FMN2: variants seen among roughly 807,000 people sequenced by gnomAD.
The protein encoded by FMN2 is formin 2.
Under a neutral mutation model 142.3 loss-of-function variants are expected in FMN2, and 51 were observed. That is an observed-to-expected ratio of 0.36 (90% CI 0.29 to 0.45). The LOEUF (loss-of-function observed/expected upper bound fraction) is 0.45, where lower values mean the gene tolerates loss of function less well. Ranked by LOEUF, FMN2 falls within the 20% of genes least tolerant of loss-of-function variation. The pLI is 1.00. For synonymous variants in FMN2, 882 were observed against 869.8 expected, an observed-to-expected ratio of 1.01 and a Z score of -0.25; for missense variants, 1,936 against 2,122.8, an observed-to-expected ratio of 0.91 and a Z score of 1.73.
chr1:240,091,996 C>A lies in FMN2; in HGVS notation c.-114C>A. The A allele has an allele frequency of 1.4e-6, 2 of 1,379,846 alleles. No homozygotes were observed. The highest frequency in any genetic ancestry group is 1.9e-6 in the Non-Finnish European group (2 of 1,075,752). The allele number at this position is 1,379,846 out of a possible 1,614,324, so 85.5% of individuals were successfully genotyped here. A position where few individuals can be genotyped will look rare whatever the true frequency, so the allele number is the denominator to read the frequency against. The stretch of plus-strand genomic sequence containing the variant: ...CGTCGGCCTCCCCTCCCAGCGGCTC[C>A]CCCCGCCGCCGCCTGACTCTCCCGG... On this transcript the variant is annotated 5_prime_UTR_variant, in exon 1 of 18. Transcript: ENST00000319653.
At chr1:240,269,195 A>G (rs1389032230) in intron 7 of FMN2, among the ~76,000 whole-genome samples, 1 of 152,002 alleles carries the variant, frequency 6.6e-6, no homozygotes, top group African/African-American at 2.4e-5. Context: ...TAAGTCTTTA[A>G]TTCCTTTTGA....
intron 6 of FMN2, among the ~76,000 whole-genome samples, chr1:240,215,151 G>GT (rs1372489551): frequency 6.6e-5 from 10 of 152,236 alleles, no homozygotes; most frequent in African/African-American, 2.2e-4. Context: ...GGGTTGCATA[G>GT]TTTTTGGTTA....
chr1:240,123,073 A>C, intron 1 of FMN2, 106 bp from the exon 2 acceptor site: 1 of 1,258,652 alleles, frequency 7.9e-7, no homozygotes, highest in Non-Finnish European at 1.1e-6. Context: ...GTAGCCTTGG[A>C]AACGGTGTTG....
intron 1 of FMN2, among the ~76,000 whole-genome samples, chr1:240,116,626 C>T (rs60728123): frequency 0.11 from 16,590 of 152,118 alleles, 1,147 homozygotes; most frequent in African/African-American, 0.19. Context: ...TGTGGTGGCT[C>T]ACCCATGTAG....
At chr1:240,272,043 A>T in intron 7 of FMN2, among the ~76,000 whole-genome samples, 1 of 152,102 alleles carries the variant, frequency 6.6e-6, no homozygotes, top group Non-Finnish European at 1.5e-5. Context: ...GCATATGGTT[A>T]TTCTTTTCCC....
chr1:240,234,778 T>G (rs1330755524), intron 6 of FMN2, among the ~76,000 whole-genome samples: 3 of 152,232 alleles, frequency 2.0e-5, no homozygotes, highest in African/African-American at 2.4e-5. Flanking sequence ...TAAGGTTTAT[T>G]CTCTTCATGA....
At chr1:240,460,483 T>G (rs1388380216) in intron 16 of FMN2, among the ~76,000 whole-genome samples, 1 of 152,080 alleles carries the variant, frequency 6.6e-6, no homozygotes, top group Non-Finnish European at 1.5e-5. Flanking sequence ...TCCCAGCTCC[T>G]TGGGAGGCTA....
intron 7 of FMN2, among the ~76,000 whole-genome samples, chr1:240,271,963 G>T (rs1032957007): frequency 6.6e-6 from 1 of 152,066 alleles, no homozygotes; most frequent in Non-Finnish European, 1.5e-5. Context: ...TCCATAGTTG[G>T]ACTTTTTGAT....
intron 2 of FMN2, among the ~76,000 whole-genome samples, chr1:240,165,033 CCTT>C (rs1664423883): frequency 6.6e-6 from 1 of 152,092 alleles, no homozygotes; most frequent in Admixed American, 6.6e-5. Context: ...TTCTTTTTAT[CCTT>C]CTTTGAATGC....
intron 2 of FMN2, chr1:240,170,792 T>A: frequency 9.7e-7 from 1 of 1,034,734 alleles, no homozygotes; most frequent in Non-Finnish European, 1.5e-6. Flanking sequence ...TTGACAGTTA[T>A]CGTGGGCGGT....
intron 8 of FMN2, among the ~76,000 whole-genome samples, chr1:240,306,411 A>G (rs1670406283): frequency 6.6e-6 from 1 of 152,178 alleles, no homozygotes; most frequent in Admixed American, 6.5e-5. Flanking sequence ...GACATGTTTC[A>G]GCCCTTGTTC....
chr1:240,264,415 G>A (rs956936369), intron 7 of FMN2, among the ~76,000 whole-genome samples: 2 of 151,982 alleles, frequency 1.3e-5, no homozygotes, highest in African/African-American at 4.8e-5. Context: ...AAGTTCTAGG[G>A]TACATGTGCA....
intron 4 of FMN2, among the ~76,000 whole-genome samples, chr1:240,205,876 G>A (rs1050076456): frequency 6.9e-6 from 1 of 145,028 alleles, no homozygotes; most frequent in African/African-American, 2.7e-5. Context: ...ATGTTGGCCA[G>A]TTGTTATCAG....
At chr1:240,451,860 T>C (rs1676059510) in intron 16 of FMN2, among the ~76,000 whole-genome samples, 1 of 152,120 alleles carries the variant, frequency 6.6e-6, no homozygotes. Context: ...GCACTATTAA[T>C]ATTTCTCTTG....
intron 4 of FMN2, among the ~76,000 whole-genome samples, chr1:240,199,783 T>C (rs1213297529): frequency 6.6e-6 from 1 of 152,220 alleles, no homozygotes; most frequent in East Asian, 1.9e-4. Context: ...TATTAATTAT[T>C]GTATTGACGA....
Position 240,206,993 on chromosome 1 carries a change from G to T in FMN2, c.2181G>T (p.Arg727Ser), listed in dbSNP as rs767908331. 5 of 1,614,058 alleles carry T rather than the reference G, an allele frequency of 3.1e-6. No individual in the cohort carries two copies. The highest frequency in any genetic ancestry group is 2.2e-5 in the East Asian group (1 of 44,888). Residue 727 changes from arginine to serine, a missense_variant, in exon 5 of 18, where the codon AGG (arginine) becomes AGT (serine). Physicochemically the swap from Arg to Ser is moderately radical, Grantham distance 110 (BLOSUM62 -1). Coordinates refer to ENST00000319653, the MANE Select transcript of FMN2 (RefSeq NM_020066.5). ...ASGDVCLEALRLEEKEVRHHR... is the reference protein window; with the variant it reads ...ASGDVCLEALSLEEKEVRHHR... ...GCGATGTCTGTCTCGAAGCTCTCAG[G>T]TTAGAAGAAAAGGAAGTACGGCATC... is the stretch of plus-strand genomic sequence containing the variant.
At chr1:240,390,291 T>G (rs1257090577) in intron 14 of FMN2, among the ~76,000 whole-genome samples, 1 of 152,216 alleles carries the variant, frequency 6.6e-6, no homozygotes, top group Non-Finnish European at 1.5e-5. Context: ...TATTCCAGTT[T>G]GTCTTTATGA....
At chr1:240,110,257 C>T (rs896363697) in intron 1 of FMN2, among the ~76,000 whole-genome samples, 1 of 151,972 alleles carries the variant, frequency 6.6e-6, no homozygotes, top group Non-Finnish European at 1.5e-5. Flanking sequence ...TTGGCACTGC[C>T]ACTTTCTAAT....
At position 240,211,185 on chromosome 1, in the gene FMN2, G is replaced by C; in HGVS notation, c.4015G>C (p.Glu1339Gln). 1 of 1,613,052 alleles carries C rather than the reference G, an allele frequency of 6.2e-7. No individual in the cohort carries two copies. The change falls in exon 6 of 18, where the codon GAG (glutamate) becomes CAG (glutamine). Residue 1339 changes from glutamate to glutamine, a missense_variant. Glu to Gln is a conservative substitution (Grantham distance 29). Transcript: ENST00000319653. ...EELFSKTAVK[E>Q]RKKPISDTIS... ...ATTATTTTCTAAAACTGCTGTAAAG[G>C]AGAGAAAGAAACCTATCTCTGATAC...
Sources: gnomAD v4.1 joint callset for allele counts (sites outside exome capture counted in the v4.1 genomes callset) on GRCh38, gnomAD v4.1.1 for gene constraint, MANE v1.5 for transcripts, NCBI Gene and HGNC (gene_info 2026-07-23, HGNC 2026-07-21) for gene names.